The following FAM3D variants were observed in gnomAD, a reference collection of about 807,000 sequenced individuals.
FAM3D encodes the protein FAM3 metabolism regulating signaling molecule D, also known as protein FAM3D.
A neutral mutation model predicts 29.8 loss-of-function variants in FAM3D; 26 were observed. That is an observed-to-expected ratio of 0.87 (90% CI 0.64 to 1.21). FAM3D has a LOEUF of 1.21. FAM3D is among the 50% of genes most tolerant of loss of function. The probability of loss-of-function intolerance (pLI) is 0.00; values close to 1 mark genes in which losing one functional copy is unlikely to be tolerated. For synonymous variants in FAM3D, 115 were observed against 102.3 expected, an observed-to-expected ratio of 1.12 and a Z score of -0.75; for missense variants, 253 against 290.9, an observed-to-expected ratio of 0.87 and a Z score of 0.95.
intron 3 of FAM3D, among the ~76,000 whole-genome samples, chr3:58,651,824 G>C (rs1214853094): frequency 6.6e-6 from 1 of 151,738 alleles, no homozygotes; most frequent in Non-Finnish European, 1.5e-5. Flanking sequence ...CAGCGATCCT[G>C]GGTGGGGGTG....
At position 58,641,544 on chromosome 3, in the gene FAM3D, G is replaced by A. The variant is rs138816863; in HGVS notation, c.323-1367C>T. Among the ~76,000 whole-genome samples the A allele has an allele frequency of 8.8e-3, 1,332 of 152,130 alleles. 21 individuals are homozygous for A. The highest frequency in any genetic ancestry group is 0.031 in the African/African-American group (1,276 of 41,474). ...TAATTTTTTTACTTTTTGTAGAGAC[G>A]GGGCGGATTCGGGGGGTGGTTCACT... is the stretch of plus-strand genomic sequence containing the variant. On this transcript the variant is annotated intron_variant, in intron 6 of 9. Coordinates refer to ENST00000358781, the MANE Select transcript of FAM3D (RefSeq NM_138805.3).
At chr3:58,637,055 G>T in intron 8 of FAM3D, 86 bp downstream of exon 8, 2 of 1,164,156 alleles carry the variant, frequency 1.7e-6, no homozygotes, top group Non-Finnish European at 2.5e-6. Flanking sequence ...AATGGATCTG[G>T]CAAAAGAGCA....
At chr3:58,661,665 A>C (rs2066933114) in intron 1 of FAM3D, among the ~76,000 whole-genome samples, 1 of 152,102 alleles carries the variant, frequency 6.6e-6, no homozygotes, top group Admixed American at 6.5e-5. Context: ...CTGTCATGGG[A>C]GCGTGGACAC....
chr3:58,658,999 G>A (rs1038453), intron 1 of FAM3D, among the ~76,000 whole-genome samples: 46,964 of 152,120 alleles, frequency 0.31, 8,032 homozygotes, highest in African/African-American at 0.46. Context: ...GATACTGGGA[G>A]AAGAGAACGA....
chr3:58,640,285 A>G, intron 6 of FAM3D, 108 bp from the exon 7 acceptor site: 3 of 1,267,438 alleles, frequency 2.4e-6, no homozygotes, highest in Non-Finnish European at 2.3e-6. Flanking sequence ...CAGAATAAGA[A>G]TCTAATGAAA....
In FAM3D at chr3:58,635,180, T is replaced by A. The variant is rs980818851; in HGVS notation, c.586-812A>T. On this transcript the variant is annotated intron_variant, in intron 9 of 9. Coordinates refer to ENST00000358781, the MANE Select transcript of FAM3D (RefSeq NM_138805.3). The surrounding 1 kb of genome is among the most constrained non-coding windows in gnomAD (Gnocchi z 5.2). ...ACAGAGCGAGACCCTATCTCTAAAA[T>A]ATATATATACTAGTAATAAGTATGT... 1.3e-5 allele frequency among the ~76,000 whole-genome samples: 2 copies of A among 152,084 alleles called. No homozygotes were observed. Among genetic ancestry groups the A allele is most frequent in the African/African-American group, 4.8e-5 (2 of 41,400 alleles).
intron 1 of FAM3D, among the ~76,000 whole-genome samples, chr3:58,666,183 A>T (rs2067026686): frequency 6.6e-6 from 1 of 152,172 alleles, no homozygotes; most frequent in African/African-American, 2.4e-5. Context: ...GAAAGAATAA[A>T]TGTTGAGGGG....
Position 58,653,706 on chromosome 3 carries a change from C to G in FAM3D, c.89G>C (p.Ser30Thr), listed in dbSNP as rs1321247364. Residue 30 changes from serine (S) to threonine (T), a missense_variant, in exon 3 of 10, where the codon AGC (serine) becomes ACC (threonine). Coordinates refer to ENST00000358781, the MANE Select transcript of FAM3D (RefSeq NM_138805.3). ...WMFIRSYMSFSMKTIRLPRWL... is the reference protein window; with the variant it reads ...WMFIRSYMSFTMKTIRLPRWL... ...GCGTGGCAGACGGATGGTTTTCATG[C>G]TGAAGCTCATGTAGCTTCGAATAAA... is the stretch of plus-strand genomic sequence containing the variant. The G allele has an allele frequency of 1.9e-6, 3 of 1,613,922 alleles. No individual in the cohort carries two copies. The African/African-American group carries it at 4.0e-5, about 22-fold the overall frequency.
chr3:58,652,808 T>C (rs921325841), intron 3 of FAM3D, among the ~76,000 whole-genome samples: 1 of 151,150 alleles, frequency 6.6e-6, no homozygotes, highest in South Asian at 2.1e-4. Flanking sequence ...CATTTATCTA[T>C]CCACCCACCC....
chr3:58,643,855 G>A lies in FAM3D; in HGVS notation c.264-135C>T, dbSNP rs558769226. On this transcript the variant is annotated intron_variant, in intron 5 of 9. Coordinates refer to ENST00000358781, the MANE Select transcript of FAM3D (RefSeq NM_138805.3). ...TTGGGAAACACATGCAATAACTGGG[G>A]CCATCTGTTTTCTCCTGAAAACTAG... is the stretch of plus-strand genomic sequence containing the variant. 7 of 787,078 alleles carry A rather than the reference G, an allele frequency of 8.9e-6. No homozygotes were observed. In the Admixed American group the frequency reaches 1.4e-4, roughly 16 times the overall value. The allele number at this position is 787,078 out of a possible 1,614,324, so 48.8% of individuals were successfully genotyped here. A position where few individuals can be genotyped will look rare whatever the true frequency, so the allele number is the denominator to read the frequency against.
At chr3:58,636,480 G>A (rs1575467921) in intron 8 of FAM3D, 60 bp from the exon 9 acceptor site, 2 of 1,594,830 alleles carry the variant, frequency 1.3e-6, no homozygotes, top group East Asian at 4.5e-5. Flanking sequence ...GCATCAGGTG[G>A]TGGGATTCCC....
Position 58,636,347 on chromosome 3 carries a change from T to C in FAM3D, c.532A>G (p.Ser178Gly). ...TCTTTGGCTCCTATGAAGACCCAGCTGTCCCGGAAGCCCAGTTGTTTTGCG... is the reference window on the plus strand; with the variant it reads ...TCTTTGGCTCCTATGAAGACCCAGCCGTCCCGGAAGCCCAGTTGTTTTGCG... ...SYAKQLGFRDSWVFIGAKDLR... is the reference protein window; with the variant it reads ...SYAKQLGFRDGWVFIGAKDLR... Residue 178 changes from serine (S) to glycine (G), a missense_variant, in exon 9 of 10, where the codon AGC (serine) becomes GGC (glycine). Physicochemically the swap from Ser to Gly is moderately conservative, Grantham distance 56. Transcript: ENST00000358781. 6.2e-7 allele frequency: 1 copy of C among 1,614,232 alleles called. No homozygotes were observed. Among genetic ancestry groups the C allele is most frequent in the Non-Finnish European group, 8.5e-7 (1 of 1,180,036 alleles).
chr3:58,637,884 T>TATTATTATTATTA lies in FAM3D; in HGVS notation c.374-672_374-660dup, dbSNP rs1553633283. On this transcript the variant is annotated intron_variant, in intron 7 of 9. Transcript: ENST00000358781. Reference sequence around the variant, plus strand: ...GCTGATTTGTTTCCCTTGTGATTATTATTATTATTATTATTCTGACACAGA... The same window carrying TATTATTATTATTA: ...GCTGATTTGTTTCCCTTGTGATTATTATTATTATTATTAATTATTATTATTATTCTGACACAGA... 1.0e-4 allele frequency among the ~76,000 whole-genome samples: 15 copies of TATTATTATTATTA among 150,556 alleles called. 1 individual carries two copies. Among genetic ancestry groups the TATTATTATTATTA allele is most frequent in the African/African-American group, 3.4e-4 (14 of 41,102 alleles).
chr3:58,635,957 C>T lies in FAM3D; in HGVS notation c.585+337G>A, dbSNP rs2066154420. 6.6e-6 allele frequency among the ~76,000 whole-genome samples: 1 copy of T among 152,224 alleles called. No homozygotes were observed. Among genetic ancestry groups the T allele is most frequent in the African/African-American group, 2.4e-5 (1 of 41,454 alleles). The stretch of plus-strand genomic sequence containing the variant: ...GCATCCTGCTCCTTTCCCCGGGATC[C>T]CCTTCCCCGCCACACAGCTCCATGT... On this transcript the variant is annotated intron_variant, in intron 9 of 9. Transcript: ENST00000358781. The surrounding 1 kb of genome is among the most constrained non-coding windows in gnomAD (Gnocchi z 5.2).
rs2066139071 is a variant in FAM3D at position 58,635,515 on chromosome 3, C to G, written c.585+779G>C. ...CGCCTCCTCTGTCTTGCCGGTTCCCCTGGGTCTGGAGCCCACGCTTTGGGG... is the reference window on the plus strand; with the variant it reads ...CGCCTCCTCTGTCTTGCCGGTTCCCGTGGGTCTGGAGCCCACGCTTTGGGG... On this transcript the variant is annotated intron_variant, in intron 9 of 9. Coordinates refer to ENST00000358781, the MANE Select transcript of FAM3D (RefSeq NM_138805.3). The surrounding 1 kb of genome is among the most constrained non-coding windows in gnomAD (Gnocchi z 5.2). Among the ~76,000 whole-genome samples the G allele has an allele frequency of 6.6e-6, 1 of 152,188 alleles. No individual in the cohort carries two copies. The highest frequency in any genetic ancestry group is 2.4e-5 in the African/African-American group (1 of 41,444).
intron 6 of FAM3D, among the ~76,000 whole-genome samples, chr3:58,642,907 C>T (rs2066373297): frequency 6.6e-6 from 1 of 152,220 alleles, no homozygotes; most frequent in Non-Finnish European, 1.5e-5. Context: ...AGCCTTGCCT[C>T]TCTATGTTGC....
chr3:58,652,072 C>T (rs1559504170), intron 3 of FAM3D, among the ~76,000 whole-genome samples: 1 of 152,178 alleles, frequency 6.6e-6, no homozygotes, highest in Non-Finnish European at 1.5e-5. Flanking sequence ...TCTTGGTCTT[C>T]AAGCGGGATG....
chr3:58,659,988 C>A (rs2106946908), intron 1 of FAM3D, among the ~76,000 whole-genome samples: 1 of 152,322 alleles, frequency 6.6e-6, no homozygotes, highest in East Asian at 1.9e-4. Context: ...CCTCTTCAGG[C>A]TCCTTTCTGC....
At position 58,636,432 on chromosome 3, in the gene FAM3D, C is replaced by G. The variant is rs768027023; in HGVS notation, c.459-12G>C. The G allele has an allele frequency of 6.2e-7, 1 of 1,613,744 alleles. No individual in the cohort carries two copies. The highest frequency in any genetic ancestry group is 1.3e-5 in the African/African-American group (1 of 75,030). Reference sequence around the variant, plus strand: ...TTTCATCGTTCATTCTGCAGAGGACCAGAGAGGATGGTCAGGATGCGGGGG... The same window carrying G: ...TTTCATCGTTCATTCTGCAGAGGACGAGAGAGGATGGTCAGGATGCGGGGG... On this transcript the variant is annotated splice_polypyrimidine_tract_variant and intron_variant, in intron 8 of 9. Transcript: ENST00000358781.
Sources: gnomAD v4.1 joint callset for allele counts (sites outside exome capture counted in the v4.1 genomes callset) on GRCh38, gnomAD v4.1.1 for gene constraint, Gnocchi (gnomAD v3.1) non-coding constraint, MANE v1.5 for transcripts, NCBI Gene and HGNC (gene_info 2026-07-23, HGNC 2026-07-21) for gene names.